Variants in THSD7A observed in about 807,000 individuals in gnomAD.
THSD7A encodes the protein thrombospondin type 1 domain containing 7A, also known as thrombospondin type-1 domain-containing protein 7A.
THSD7A carries 96 observed loss-of-function variants against 231.3 expected under a neutral mutation model. That is an observed-to-expected ratio of 0.41 (90% CI 0.35 to 0.49). The LOEUF (loss-of-function observed/expected upper bound fraction) is 0.49. Ranked by LOEUF, THSD7A falls within the 20% of genes least tolerant of loss-of-function variation. The pLI, the probability that THSD7A is intolerant of heterozygous loss-of-function variation, is 0.05. For missense variants in THSD7A, 2,290 were observed against 2,070.2 expected, an observed-to-expected ratio of 1.11 and a Z score of -2.06; for synonymous variants, 940 against 743.3, an observed-to-expected ratio of 1.26 and a Z score of -4.30.
intron 1 of THSD7A, among the ~76,000 whole-genome samples, chr7:11,708,682 C>T (rs925944132): frequency 6.6e-6 from 1 of 150,760 alleles, no homozygotes; most frequent in Non-Finnish European, 1.5e-5. Context: ...AGGGTGTCTG[C>T]CTTCTCTTAA....
At chr7:11,638,642 C>T (rs1402112700) in intron 1 of THSD7A, among the ~76,000 whole-genome samples, 1 of 151,924 alleles carries the variant, frequency 6.6e-6, no homozygotes, top group African/African-American at 2.4e-5. Flanking sequence ...ATGAAGTTTG[C>T]ATGTACAAAA....
In THSD7A at chr7:11,636,057, A is replaced by T; in HGVS notation, c.1022+73T>A. 1 of 1,365,036 alleles carries T rather than the reference A, an allele frequency of 7.3e-7. No homozygotes were observed. Among genetic ancestry groups the T allele is most frequent in the Non-Finnish European group, 1.0e-6 (1 of 992,390 alleles). 84.6% of individuals were successfully genotyped at this position (1,365,036 alleles called of 1,614,324 possible). A position where few individuals can be genotyped will look rare whatever the true frequency, so the allele number is the denominator to read the frequency against. ...CTACGTAATCCAGAAGTTATTAGAT[A>T]GTACCGGATATCTTAGGTACTCATG... On this transcript the variant is annotated intron_variant, in intron 2 of 27. Transcript: ENST00000423059. This position sits in a 1 kb window ranked among gnomAD's most constrained non-coding sequence, Gnocchi z 10.0.
intron 1 of THSD7A, among the ~76,000 whole-genome samples, chr7:11,653,450 G>A (rs1052250061): frequency 6.0e-5 from 4 of 66,240 alleles, no homozygotes; most frequent in African/African-American, 2.6e-4. Context: ...TCCCAGATAT[G>A]TGTGTGTGTG....
At chr7:11,454,565 C>CTT (rs200207068) in intron 11 of THSD7A, among the ~76,000 whole-genome samples, 70 of 143,000 alleles carry the variant, frequency 4.9e-4, no homozygotes, top group African/African-American at 1.7e-3. Flanking sequence ...GTGGTTATCT[C>CTT]TTTTTTTTTT....
rs1448719267 is a variant in THSD7A, at chr7:11,590,086, G to A, written c.1453+374C>T. On this transcript the variant is annotated intron_variant, in intron 4 of 27. Coordinates refer to ENST00000423059, the MANE Select transcript of THSD7A (RefSeq NM_015204.3). This position sits in a 1 kb window ranked among gnomAD's most constrained non-coding sequence, Gnocchi z 4.4. ...ATCCAAATAAGATTTCTTTTGACAAGCAGGTTTTACTTCTTATATAATTTT... is the reference window on the plus strand; with the variant it reads ...ATCCAAATAAGATTTCTTTTGACAAACAGGTTTTACTTCTTATATAATTTT... Among the ~76,000 whole-genome samples the A allele has an allele frequency of 6.6e-6, 1 of 152,036 alleles. No homozygotes were observed. Among genetic ancestry groups the A allele is most frequent in the African/African-American group, 2.4e-5 (1 of 41,386 alleles).
chr7:11,521,193 G>C (rs1392691428), intron 6 of THSD7A, among the ~76,000 whole-genome samples: 1 of 150,272 alleles, frequency 6.7e-6, no homozygotes, highest in Non-Finnish European at 1.5e-5. Context: ...TACATACTAA[G>C]ACAAATACAG....
intron 7 of THSD7A, among the ~76,000 whole-genome samples, chr7:11,478,873 A>T (rs1399414560): frequency 6.6e-6 from 1 of 152,184 alleles, no homozygotes; most frequent in African/African-American, 2.4e-5. Context: ...ATTTTAGCAC[A>T]CAATAGGATT....
intron 6 of THSD7A, among the ~76,000 whole-genome samples, chr7:11,484,716 G>A (rs951565580): frequency 3.3e-5 from 5 of 151,738 alleles, no homozygotes; most frequent in African/African-American, 9.7e-5. Context: ...TAGAATGTTG[G>A]TCTAGACAAA....
intron 14 of THSD7A, 75 bp downstream of exon 14, chr7:11,428,872 T>C: frequency 2.0e-6 from 3 of 1,510,398 alleles, no homozygotes; most frequent in South Asian, 2.6e-5. Flanking sequence ...TTATTTCCTC[T>C]TCTCCATTTT....
rs572155711 is a variant in THSD7A at position 11,544,968 on chromosome 7, C to A, written c.1454-1851G>T. ...AGCCGAAGCCAAAAATGATTAATTT[C>A]ATTGCTTTCCAGGAGCAGAAGTGTT... is the stretch of plus-strand genomic sequence containing the variant. On this transcript the variant is annotated intron_variant, in intron 4 of 27. Coordinates refer to ENST00000423059, the MANE Select transcript of THSD7A (RefSeq NM_015204.3). Among the ~76,000 whole-genome samples the A allele has an allele frequency of 5.6e-4, 85 of 152,192 alleles. 1 individual carries two copies. Among genetic ancestry groups the A allele is most frequent in the African/African-American group, 2.0e-3 (83 of 41,516 alleles).
intron 26 of THSD7A, 188 bp downstream of exon 26, chr7:11,378,882 C>G (rs190639763): frequency 3.0e-5 from 18 of 599,204 alleles, no homozygotes; most frequent in Admixed American, 9.6e-5. Context: ...TTTCTCTGAA[C>G]TTCAAACATG....
intron 1 of THSD7A, among the ~76,000 whole-genome samples, chr7:11,726,561 T>G (rs546272863): frequency 1.3e-5 from 2 of 152,118 alleles, no homozygotes; most frequent in Non-Finnish European, 2.9e-5. Context: ...TTTTGCACCC[T>G]AATGGTTCCC....
At chr7:11,548,796 G>A (rs1310540643) in intron 4 of THSD7A, among the ~76,000 whole-genome samples, 1 of 151,546 alleles carries the variant, frequency 6.6e-6, no homozygotes, top group Admixed American at 6.6e-5. Context: ...TTTTGACTCA[G>A]CATCACTTCA....
At chr7:11,699,679 T>C (rs1459478912) in intron 1 of THSD7A, among the ~76,000 whole-genome samples, 1 of 151,360 alleles carries the variant, frequency 6.6e-6, no homozygotes, top group African/African-American at 2.4e-5. Flanking sequence ...TTTTAAGTTG[T>C]CTTCAAACTC....
intron 1 of THSD7A, among the ~76,000 whole-genome samples, chr7:11,826,886 T>C (rs552437088): frequency 2.6e-5 from 4 of 151,766 alleles, no homozygotes; most frequent in African/African-American, 4.8e-5. Context: ...CTTTCAGTAA[T>C]ATAAATGCTA....
intron 11 of THSD7A, among the ~76,000 whole-genome samples, chr7:11,452,893 G>T (rs1180955416): frequency 6.6e-6 from 1 of 151,920 alleles, no homozygotes; most frequent in African/African-American, 2.4e-5. Flanking sequence ...TAACTGCAGA[G>T]TATAAAACCT....
chr7:11,712,405 A>C (rs987494560), intron 1 of THSD7A, among the ~76,000 whole-genome samples: 9 of 151,078 alleles, frequency 6.0e-5, no homozygotes, highest in African/African-American at 2.2e-4. Context: ...CTCTTATCAC[A>C]GAAACTGCCA....
rs1260221793 is a variant in THSD7A at position 11,634,177 on chromosome 7, T to C, written c.1022+1953A>G. Among the ~76,000 whole-genome samples, 6 of 152,178 alleles carry C rather than the reference T, an allele frequency of 3.9e-5. No homozygotes were observed. The highest frequency in any genetic ancestry group is 1.4e-4 in the African/African-American group (6 of 41,450). ...TATATTTAACATAAAGTTTAACCTA[T>C]ACTGTAATAAGTCAGAAAATATATG... On this transcript the variant is annotated intron_variant, in intron 2 of 27. Transcript: ENST00000423059. The surrounding 1 kb of genome is among the most constrained non-coding windows in gnomAD (Gnocchi z 4.1).
chr7:11,614,523 G>A (rs1354882653), intron 2 of THSD7A, among the ~76,000 whole-genome samples: 4 of 152,138 alleles, frequency 2.6e-5, no homozygotes, highest in African/African-American at 9.7e-5. Context: ...GGATCTACAA[G>A]CTCAAATCAA....
Sources: allele counts gnomAD v4.1 joint callset (sites outside exome capture counted in the v4.1 genomes callset), GRCh38; gene constraint gnomAD v4.1.1; non-coding constraint Gnocchi (gnomAD v3.1); transcripts MANE v1.5; gene names NCBI Gene and HGNC (gene_info 2026-07-23, HGNC 2026-07-21).